METTL25: variants seen among roughly 807,000 people sequenced by gnomAD.
METTL25 encodes methyltransferase like 25, also known as probable methyltransferase-like protein 25.
Under a neutral mutation model 71.6 loss-of-function variants are expected in METTL25, and 64 were observed. The ratio of observed to expected loss-of-function variants is 0.89; its 90% CI spans 0.73 to 1.10. The LOEUF is 1.10. METTL25 is among the 50% of genes least tolerant of loss of function. METTL25 has a pLI of 0.00. For missense variants in METTL25, 807 were observed against 707.0 expected (o/e 1.14, Z -1.60); for synonymous variants, 287 against 250.3 (o/e 1.15, Z -1.38).
intron 3 of METTL25, among the ~76,000 whole-genome samples, chr12:82,395,857 G>GT: frequency 6.6e-6 from 1 of 152,022 alleles, no homozygotes; most frequent in South Asian, 2.1e-4. Flanking sequence ...TGATCAGATA[G>GT]TTTGAAGACA....
chr12:82,364,189 A>C (rs1882293584), intron 1 of METTL25, among the ~76,000 whole-genome samples: 1 of 152,224 alleles, frequency 6.6e-6, no homozygotes, highest in African/African-American at 2.4e-5. Flanking sequence ...GGTCACAGTC[A>C]AGAAGTTGGC....
intron 8 of METTL25, among the ~76,000 whole-genome samples, chr12:82,456,208 A>G (rs1445382615): frequency 6.6e-6 from 1 of 151,894 alleles, no homozygotes; most frequent in African/African-American, 2.4e-5. Flanking sequence ...TTTAAATTCA[A>G]AACCATCCCA....
intron 5 of METTL25, among the ~76,000 whole-genome samples, chr12:82,427,119 C>T (rs886253032): frequency 6.6e-6 from 1 of 151,924 alleles, no homozygotes; most frequent in Non-Finnish European, 1.5e-5. Context: ...TATATACTGC[C>T]TCTTCTCTGA....
At chr12:82,448,682 A>G (rs946043491) in intron 8 of METTL25, among the ~76,000 whole-genome samples, 5 of 152,126 alleles carry the variant, frequency 3.3e-5, no homozygotes, top group African/African-American at 7.2e-5. Flanking sequence ...CTTAAAAACT[A>G]TCTCACAAAA....
At chr12:82,441,292 T>TTA (rs71068929) in intron 8 of METTL25, among the ~76,000 whole-genome samples, 9,602 of 148,060 alleles carry the variant, frequency 0.065, 345 homozygotes, top group Middle Eastern at 0.12. Flanking sequence ...CACTAACATC[T>TTA]TATATATATA....
At chr12:82,460,322 A>C (rs1891777723) in intron 9 of METTL25, among the ~76,000 whole-genome samples, 1 of 152,204 alleles carries the variant, frequency 6.6e-6, no homozygotes, top group South Asian at 2.1e-4. Context: ...ATTTATATAG[A>C]TATTTCCTCC....
At chr12:82,440,779 G>A (rs1452002446) in intron 8 of METTL25, among the ~76,000 whole-genome samples, 2 of 152,044 alleles carry the variant, frequency 1.3e-5, no homozygotes, top group African/African-American at 4.8e-5. Context: ...CCATGCCAGA[G>A]ATGTGTGTGC....
At position 82,358,619 on chromosome 12, in the gene METTL25, C is replaced by G; in HGVS notation, c.54C>G (p.Ala18=). The G allele has an allele frequency of 3.1e-6, 5 of 1,613,930 alleles. No homozygotes were observed. Among genetic ancestry groups the G allele is most frequent in the Non-Finnish European group, 3.4e-6 (4 of 1,180,030 alleles). Residue 18 remains alanine (A), a synonymous_variant, in exon 1 of 12, where the codon GCC becomes GCG. Coordinates refer to ENST00000248306, the MANE Select transcript of METTL25 (RefSeq NM_032230.3). ...PVTPDLPTLR[A]KLQGLLQFLR... ...CCCCGGACCTGCCCACGCTGCGTGC[C>G]AAGTTGCAGGGACTGCTGCAGTTCC...
intron 5 of METTL25, among the ~76,000 whole-genome samples, chr12:82,404,457 A>G (rs569127231): frequency 1.3e-5 from 2 of 152,308 alleles, no homozygotes; most frequent in South Asian, 2.1e-4. Context: ...ATGAAAAAAT[A>G]CTTTAATGCA....
At chr12:82,379,524 G>A (rs113924091) in intron 1 of METTL25, among the ~76,000 whole-genome samples, 1 of 149,298 alleles carries the variant, frequency 6.7e-6, no homozygotes, top group Non-Finnish European at 1.5e-5. Flanking sequence ...AGTATCTGTT[G>A]TTTTTTGTTA....
intron 5 of METTL25, among the ~76,000 whole-genome samples, chr12:82,420,767 T>C (rs1338731103): frequency 6.6e-6 from 1 of 151,912 alleles, no homozygotes; most frequent in Non-Finnish European, 1.5e-5. Context: ...GTACTAAGGA[T>C]TGGGGTCTTA....
chr12:82,376,528 A>G lies in METTL25; in HGVS notation c.260-10275A>G, dbSNP rs138595376. Reference sequence around the variant, plus strand: ...TTTAAATCATAACAGTATTTTTACAATTTATTCAGAGTTTCACCACAAGTG... The same window carrying G: ...TTTAAATCATAACAGTATTTTTACAGTTTATTCAGAGTTTCACCACAAGTG... On this transcript the variant is annotated intron_variant, in intron 1 of 11. Coordinates refer to ENST00000248306, the MANE Select transcript of METTL25 (RefSeq NM_032230.3). Among the ~76,000 whole-genome samples the G allele has an allele frequency of 7.6e-3, 1,154 of 152,326 alleles. 10 individuals carry two copies. The highest frequency in any genetic ancestry group is 0.027 in the African/African-American group (1,119 of 41,576).
chr12:82,473,797 T>A (rs1367321394), intron 9 of METTL25, among the ~76,000 whole-genome samples: 1 of 152,154 alleles, frequency 6.6e-6, no homozygotes, highest in African/African-American at 2.4e-5. Context: ...AGACTGCTTT[T>A]GTGTCTGGAA....
At chr12:82,422,353 C>T (rs1238210734) in intron 5 of METTL25, among the ~76,000 whole-genome samples, 4 of 152,150 alleles carry the variant, frequency 2.6e-5, no homozygotes, top group Non-Finnish European at 5.9e-5. Flanking sequence ...AACAGCCCTT[C>T]ATGCTAAAAA....
Position 82,390,852 on chromosome 12 carries a change from C to G in METTL25, c.531+930C>G, listed in dbSNP as rs566610465. On this transcript the variant is annotated intron_variant, in intron 3 of 11. Transcript: ENST00000248306. ...CGGAGTCGAAGAGGCAAGCCCTCCC[C>G]CATGGTGCCATATCAAAATCTTGGG... 3.3e-5 allele frequency among the ~76,000 whole-genome samples: 5 copies of G among 152,212 alleles called. No homozygotes were observed. The South Asian group carries it at 1.0e-3, about 32-fold the overall frequency.
chr12:82,394,414 A>G (rs1885894559), intron 3 of METTL25, among the ~76,000 whole-genome samples: 2 of 152,200 alleles, frequency 1.3e-5, no homozygotes, highest in South Asian at 4.1e-4. Flanking sequence ...CTAAACAAGA[A>G]TATCATTTTT....
chr12:82,363,888 G>T (rs546111569), intron 1 of METTL25, among the ~76,000 whole-genome samples: 2 of 152,220 alleles, frequency 1.3e-5, no homozygotes, highest in East Asian at 3.9e-4. Flanking sequence ...ATCCTAATTG[G>T]GCTAACGTGT....
At chr12:82,373,445 A>G (rs961300494) in intron 1 of METTL25, among the ~76,000 whole-genome samples, 3 of 152,188 alleles carry the variant, frequency 2.0e-5, no homozygotes, top group African/African-American at 7.2e-5. Flanking sequence ...AGAAGGGAAT[A>G]GAGTCCTGGA....
chr12:82,383,930 T>G (rs1884703059), intron 1 of METTL25, among the ~76,000 whole-genome samples: 1 of 152,138 alleles, frequency 6.6e-6, no homozygotes, highest in East Asian at 1.9e-4. Flanking sequence ...TCCTGCCTCT[T>G]TCCTTCCCTT....
Sources: allele counts gnomAD v4.1 joint callset (sites outside exome capture counted in the v4.1 genomes callset), GRCh38; gene constraint gnomAD v4.1.1; transcripts MANE v1.5; gene names NCBI Gene and HGNC (gene_info 2026-07-23, HGNC 2026-07-21).